NFKB1: variants seen among roughly 807,000 people sequenced by gnomAD.
The protein encoded by NFKB1 is nuclear factor kappa B subunit 1, also known as nuclear factor NF-kappa-B p105 subunit.
NFKB1 carries 9 observed loss-of-function variants against 105.1 expected under a neutral mutation model. The observed-to-expected ratio is 0.09, with a 90% CI of 0.05 to 0.15. The LOEUF is 0.15. Ranked by LOEUF, NFKB1 falls within the 10% of genes least tolerant of loss-of-function variation. The pLI, the probability that NFKB1 is intolerant of heterozygous loss-of-function variation, is 1.00. For synonymous variants in NFKB1, 440 were observed against 442.2 expected, an observed-to-expected ratio of 1.00 and a Z score of 0.06; for missense variants, 830 against 1,203.7, an observed-to-expected ratio of 0.69 and a Z score of 4.59.
intron 5 of NFKB1, among the ~76,000 whole-genome samples, chr4:102,556,952 A>G (rs1294001755): frequency 6.6e-6 from 1 of 152,156 alleles, no homozygotes; most frequent in Non-Finnish European, 1.5e-5. Context: ...AAGGGAAAAA[A>G]TCCTTTGGAA....
At chr4:102,609,803 A>G (rs930494776) in intron 19 of NFKB1, among the ~76,000 whole-genome samples, 12 of 152,100 alleles carry the variant, frequency 7.9e-5, no homozygotes, top group African/African-American at 2.9e-4. Context: ...GTACTCCTCT[A>G]TTATTGATAT....
In NFKB1 at chr4:102,612,649, T is replaced by C. The variant is rs752133392; in HGVS notation, c.2592+43T>C. 1.9e-6 allele frequency: 3 copies of C among 1,564,456 alleles called. No homozygotes were observed. In the South Asian group the frequency reaches 3.3e-5, roughly 17 times the overall value. ...AGATTTAGCAATTTTCATTTGACTTTACTCTGTTAACATCTCTGGCCAGGG... is the reference window on the plus strand; with the variant it reads ...AGATTTAGCAATTTTCATTTGACTTCACTCTGTTAACATCTCTGGCCAGGG... On this transcript the variant is annotated intron_variant, in intron 22 of 23. Transcript: ENST00000226574.
intron 5 of NFKB1, among the ~76,000 whole-genome samples, chr4:102,557,840 T>A (rs1723104523): frequency 6.6e-6 from 1 of 152,076 alleles, no homozygotes; most frequent in African/African-American, 2.4e-5. Context: ...TCCCTTCACT[T>A]TCTCACAGCT....
At chr4:102,505,703 A>G (rs1739375483) in intron 1 of NFKB1, among the ~76,000 whole-genome samples, 1 of 152,166 alleles carries the variant, frequency 6.6e-6, no homozygotes, top group Admixed American at 6.5e-5. Context: ...ATTATAAAAA[A>G]TGAAATAAAG....
rs1242830185 is a variant in NFKB1, at chr4:102,607,183, A to G, written c.1988A>G (p.Asn663Ser). Residue 663 changes from asparagine (N) to serine (S), a missense_variant, in exon 18 of 24, where the codon AAT becomes AGT. By Grantham distance (46) the Asn-to-Ser change is conservative. Transcript: ENST00000226574. Reference sequence around the variant, plus strand: ...GCCATTCATCTAGCCATGATGAGCAATAGCCTGCCATGTTTGCTGCTGCTG... The same window carrying G: ...GCCATTCATCTAGCCATGATGAGCAGTAGCCTGCCATGTTTGCTGCTGCTG... ...LNAIHLAMMS[N>S]SLPCLLLLVA... 3 of 1,614,170 alleles carry G rather than the reference A, an allele frequency of 1.9e-6. No homozygotes were observed. Among genetic ancestry groups the G allele is most frequent in the Admixed American group, 1.7e-5 (1 of 60,018 alleles).
At chr4:102,525,214 A>AT (rs1320660670) in intron 1 of NFKB1, among the ~76,000 whole-genome samples, 3 of 151,984 alleles carry the variant, frequency 2.0e-5, no homozygotes, top group Admixed American at 6.6e-5. Flanking sequence ...AGTATGTATG[A>AT]TTTTTTATAC....
intron 5 of NFKB1, among the ~76,000 whole-genome samples, chr4:102,544,190 A>C (rs772144240): frequency 6.6e-6 from 1 of 152,010 alleles, no homozygotes; most frequent in South Asian, 2.1e-4. Flanking sequence ...AACATGGTTA[A>C]GAATCATGCT....
intron 3 of NFKB1, among the ~76,000 whole-genome samples, chr4:102,530,353 A>T (rs1264886768): frequency 6.6e-6 from 1 of 152,174 alleles, no homozygotes; most frequent in Non-Finnish European, 1.5e-5. Flanking sequence ...TAGAAAAATC[A>T]TCTTTATAAA....
intron 5 of NFKB1, chr4:102,557,340 T>C (rs1168962383): frequency 6.6e-6 from 1 of 152,166 alleles, no homozygotes; most frequent in Non-Finnish European, 1.5e-5. Context: ...ATTCTACAAA[T>C]GAGAAAGCAA....
intron 1 of NFKB1, among the ~76,000 whole-genome samples, chr4:102,516,089 A>G (rs944879481): frequency 9.9e-5 from 15 of 152,024 alleles, no homozygotes; most frequent in Admixed American, 6.5e-5. Flanking sequence ...ACTGTATCTA[A>G]TGATCATCAG....
chr4:102,529,981 AAT>A (rs1741181798), intron 3 of NFKB1, 67 bp downstream of exon 3: 1 of 1,184,360 alleles, frequency 8.4e-7, no homozygotes, highest in Admixed American at 2.1e-5. Context: ...AGGATTTGTT[AAT>A]AGTCTGTCCT....
intron 3 of NFKB1, among the ~76,000 whole-genome samples, chr4:102,531,347 C>T (rs1297826239): frequency 6.6e-6 from 1 of 152,076 alleles, no homozygotes; most frequent in African/African-American, 2.4e-5. Flanking sequence ...GTTGTTACAC[C>T]ATCATTTTTA....
At chr4:102,515,020 T>C (rs571470510) in intron 1 of NFKB1, among the ~76,000 whole-genome samples, 6 of 151,922 alleles carry the variant, frequency 3.9e-5, no homozygotes, top group Non-Finnish European at 8.8e-5. Flanking sequence ...GCGTATACTT[T>C]AATCTTGTTT....
At chr4:102,587,517 A>G (rs1214350344) in intron 11 of NFKB1, among the ~76,000 whole-genome samples, 1 of 151,924 alleles carries the variant, frequency 6.6e-6, no homozygotes, top group Non-Finnish European at 1.5e-5. Flanking sequence ...AAAGTATGTT[A>G]TAGTGGGGGT....
intron 2 of NFKB1, 106 bp downstream of exon 2, chr4:102,525,663 TA>T (rs1463161759): frequency 1.1e-5 from 11 of 1,034,008 alleles, no homozygotes; most frequent in African/African-American, 3.4e-5. Context: ...CTAAAATTAG[TA>T]AATTTTTTTT....
At position 102,606,565 on chromosome 4, in the gene NFKB1, G is replaced by A. The variant is rs11556612; in HGVS notation, c.1822G>A (p.Asp608Asn). The A allele has an allele frequency of 3.0e-5, 48 of 1,614,022 alleles. No individual in the cohort carries two copies. The highest frequency in any genetic ancestry group is 4.5e-5 in the East Asian group (2 of 44,880). ...GGAGGATTTGCTGAGGGCTGGGGCC[G>A]ACCTGAGCCTTCTGGACCGCTTGGG... ...VVEDLLRAGADLSLLDRLGNS... is the reference protein window; with the variant it reads ...VVEDLLRAGANLSLLDRLGNS... The change falls in exon 17 of 24, where the codon GAC becomes AAC. Residue 608 changes from aspartate (D) to asparagine (N), a missense_variant. By Grantham distance (23) the Asp-to-Asn change is conservative. Transcript: ENST00000226574.
chr4:102,575,589 G>A (rs575837513), intron 6 of NFKB1, among the ~76,000 whole-genome samples: 3 of 152,062 alleles, frequency 2.0e-5, no homozygotes, highest in East Asian at 1.9e-4. Flanking sequence ...AAACACCGGC[G>A]TGGTCCTACC....
chr4:102,593,696 T>A, intron 12 of NFKB1, 128 bp downstream of exon 12: 1 of 841,178 alleles, frequency 1.2e-6, no homozygotes, highest in Non-Finnish European at 1.6e-6. Context: ...AATTAAAATT[T>A]CCTGACAAAT....
At chr4:102,539,550 G>C (rs1379240454) in intron 5 of NFKB1, among the ~76,000 whole-genome samples, 1 of 152,180 alleles carries the variant, frequency 6.6e-6, no homozygotes, top group Non-Finnish European at 1.5e-5. Flanking sequence ...CACAGAAGCA[G>C]ACCACGGTCT....
Sources: gnomAD v4.1 joint callset for allele counts (sites outside exome capture counted in the v4.1 genomes callset) on GRCh38, gnomAD v4.1.1 for gene constraint, MANE v1.5 for transcripts, NCBI Gene and HGNC (gene_info 2026-07-23, HGNC 2026-07-21) for gene names.